Variants in DBF4 observed in about 807,000 individuals in gnomAD.
DBF4 encodes protein DBF4 homolog A.
DBF4 carries 25 observed loss-of-function variants against 76.6 expected under a neutral mutation model. The ratio of observed to expected loss-of-function variants is 0.33; its 90% CI spans 0.24 to 0.46. The LOEUF (loss-of-function observed/expected upper bound fraction) is 0.46. DBF4 is among the 20% of genes least tolerant of loss of function. The pLI is 1.00. For missense variants in DBF4, 638 were observed against 760.8 expected, an observed-to-expected ratio of 0.84 and a Z score of 1.90; for synonymous variants, 213 against 258.0, an observed-to-expected ratio of 0.83 and a Z score of 1.67.
In DBF4 at chr7:87,907,457, C is replaced by G; in HGVS notation, c.1319C>G (p.Ala440Gly). 1 of 1,613,956 alleles carries G rather than the reference C, an allele frequency of 6.2e-7. No homozygotes were observed. Among genetic ancestry groups the G allele is most frequent in the Admixed American group, 1.7e-5 (1 of 60,008 alleles). The change falls in exon 12 of 12, where the codon GCT (alanine) becomes GGT (glycine). Residue 440 changes from alanine to glycine, a missense_variant. Transcript: ENST00000265728. ...AATAAATGTTCCATGTTAAGTACAG[C>G]TGAAGATGACATAAGACAGAATTTT... ...MSNKCSMLSTAEDDIRQNFTQ... is the reference protein window; with the variant it reads ...MSNKCSMLSTGEDDIRQNFTQ...
At chr7:87,888,360 G>A (rs1160497007) in intron 6 of DBF4, 7 of 956,718 alleles carry the variant, frequency 7.3e-6, no homozygotes, top group South Asian at 4.8e-5. Flanking sequence ...TTGTATAAAC[G>A]TTCCTAATGT....
chr7:87,881,406 CAAAAG>C (rs1839211156), intron 2 of DBF4, among the ~76,000 whole-genome samples: 1 of 152,102 alleles, frequency 6.6e-6, no homozygotes, highest in Admixed American at 6.5e-5. Flanking sequence ...GACTGTGTCT[CAAAAG>C]AAAAATAAAA....
chr7:87,908,002 T>A lies in DBF4; in HGVS notation c.1864T>A (p.Phe622Ile). Reference protein sequence around the residue: ...SSPVQSLLDLFQTSEEKSEFL... With the variant: ...SSPVQSLLDLIQTSEEKSEFL... The stretch of plus-strand genomic sequence containing the variant: ...ACCGGTACAGTCTTTACTAGACTTG[T>A]TTCAGACTAGTGAAGAGAAATCAGA... Residue 622 changes from phenylalanine (F) to isoleucine (I), a missense_variant, in exon 12 of 12, where the codon TTT (phenylalanine) becomes ATT (isoleucine). Phe to Ile is a conservative substitution (Grantham distance 21). Transcript: ENST00000265728. 6.2e-7 allele frequency: 1 copy of A among 1,613,804 alleles called. No individual in the cohort carries two copies. Among genetic ancestry groups the A allele is most frequent in the Non-Finnish European group, 8.5e-7 (1 of 1,179,790 alleles).
intron 6 of DBF4, chr7:87,888,400 T>C: frequency 1.2e-6 from 1 of 820,764 alleles, no homozygotes; most frequent in South Asian, 5.6e-5. Flanking sequence ...GGAATATAAA[T>C]ATGTACTATC....
chr7:87,909,457 T>C lies in DBF4; in HGVS notation c.*1294T>C, dbSNP rs1839989623. Reference sequence around the variant, plus strand: ...GCATACATTATTTTGATCATTTGGATAACATCAATGAACACTGGCTTTTTA... The same window carrying C: ...GCATACATTATTTTGATCATTTGGACAACATCAATGAACACTGGCTTTTTA... On this transcript the variant is annotated 3_prime_UTR_variant, in exon 12 of 12. Coordinates refer to ENST00000265728, the MANE Select transcript of DBF4 (RefSeq NM_006716.4). 6.6e-6 allele frequency: 1 copy of C among 152,222 alleles called. No individual in the cohort carries two copies. Among genetic ancestry groups the C allele is most frequent in the Non-Finnish European group, 1.5e-5 (1 of 68,030 alleles). 9.4% of individuals were successfully genotyped at this position (152,222 alleles called of 1,614,324 possible). A position where few individuals can be genotyped will look rare whatever the true frequency, so the allele number is the denominator to read the frequency against.
chr7:87,897,372 G>C, intron 8 of DBF4, 33 bp downstream of exon 8: 1 of 1,597,088 alleles, frequency 6.3e-7, no homozygotes. Context: ...TATGATTTAA[G>C]TGCAATACTA....
chr7:87,889,705 G>T (rs1057503591), intron 6 of DBF4, among the ~76,000 whole-genome samples: 3 of 152,128 alleles, frequency 2.0e-5, no homozygotes, highest in African/African-American at 4.8e-5. Flanking sequence ...AGGATAATTT[G>T]CAGAAAGCAA....
At chr7:87,883,482 C>G (rs1180000289) in intron 2 of DBF4, among the ~76,000 whole-genome samples, 1 of 151,994 alleles carries the variant, frequency 6.6e-6, no homozygotes, top group African/African-American at 2.4e-5. Context: ...AAAATTAGAA[C>G]CTCTGACATT....
intron 7 of DBF4, 63 bp from the exon 8 acceptor site, chr7:87,897,231 T>G (rs1290524401): frequency 1.4e-6 from 2 of 1,417,238 alleles, no homozygotes; most frequent in East Asian, 2.4e-5. Flanking sequence ...CACAGTAGTT[T>G]TATTAAAAAA....
At chr7:87,900,638 A>G in intron 9 of DBF4, 126 bp from the exon 10 acceptor site, 3 of 777,098 alleles carry the variant, frequency 3.9e-6, no homozygotes, top group Non-Finnish European at 6.1e-6. Context: ...AATATGATTA[A>G]AAGTACTTGC....
intron 2 of DBF4, among the ~76,000 whole-genome samples, chr7:87,883,017 A>C (rs555210228): frequency 6.6e-6 from 1 of 152,344 alleles, no homozygotes; most frequent in South Asian, 2.1e-4. Context: ...ATAGCTAAAA[A>C]GTGTGAACAG....
At position 87,876,776 on chromosome 7, in the gene DBF4, A is replaced by C; in HGVS notation, c.44A>C (p.Gln15Pro). The C allele has an allele frequency of 3.7e-6, 6 of 1,614,094 alleles. No homozygotes were observed. Among genetic ancestry groups the C allele is most frequent in the Non-Finnish European group, 5.1e-6 (6 of 1,179,968 alleles). Reference sequence around the variant, plus strand: ...AGGATCCACAGTAAAGGACATTTCCAGGGTAAGAAGCCCCTCCTCCGCCTG... The same window carrying C: ...AGGATCCACAGTAAAGGACATTTCCCGGGTAAGAAGCCCCTCCTCCGCCTG... Reference protein sequence around the residue: ...AMRIHSKGHFQGGIQVKNEKN... With the variant: ...AMRIHSKGHFPGGIQVKNEKN... The change falls in exon 1 of 12, where the codon CAG (glutamine) becomes CCG (proline). Residue 15 changes from glutamine (Q) to proline (P), a missense_variant and splice_region_variant. Physicochemically the swap from Gln to Pro is moderately conservative, Grantham distance 76. Coordinates refer to ENST00000265728, the MANE Select transcript of DBF4 (RefSeq NM_006716.4).
rs997800954 is a variant in DBF4, at chr7:87,909,547, A to G, written c.*1384A>G. Reference sequence around the variant, plus strand: ...ATAAAAGAGTCTTTACAGTGCATACACGCAAACCCTGTTTCCATTGTAAAT... The same window carrying G: ...ATAAAAGAGTCTTTACAGTGCATACGCGCAAACCCTGTTTCCATTGTAAAT... On this transcript the variant is annotated 3_prime_UTR_variant, in exon 12 of 12. Coordinates refer to ENST00000265728, the MANE Select transcript of DBF4 (RefSeq NM_006716.4). The G allele has an allele frequency of 1.3e-5, 2 of 152,224 alleles. No individual in the cohort carries two copies. The highest frequency in any genetic ancestry group is 4.8e-5 in the African/African-American group (2 of 41,458). 9.4% of individuals were successfully genotyped at this position (152,224 alleles called of 1,614,324 possible).
At chr7:87,890,713 A>G (rs553676224) in intron 6 of DBF4, among the ~76,000 whole-genome samples, 4 of 152,300 alleles carry the variant, frequency 2.6e-5, no homozygotes, top group Admixed American at 2.6e-4. Flanking sequence ...CTAGATTATT[A>G]ACATCATAAA....
chr7:87,886,539 A>C (rs1431385179), intron 3 of DBF4, among the ~76,000 whole-genome samples: 1 of 145,954 alleles, frequency 6.9e-6, no homozygotes, highest in Non-Finnish European at 1.5e-5. Flanking sequence ...TGTCTCCAAA[A>C]AAAAAAAAAA....
At chr7:87,906,982 GC>G (rs1230539274) in intron 11 of DBF4, among the ~76,000 whole-genome samples, 1 of 152,124 alleles carries the variant, frequency 6.6e-6, no homozygotes, top group East Asian at 1.9e-4. Context: ...AGGGTTTTCA[GC>G]TATATCTGAA....
intron 8 of DBF4, among the ~76,000 whole-genome samples, chr7:87,897,615 A>C (rs1159685635): frequency 1.3e-5 from 2 of 152,230 alleles, no homozygotes; most frequent in East Asian, 3.8e-4. Context: ...CTCTGGCTAA[A>C]TGCAGTACCA....
At chr7:87,886,262 G>A (rs1839348586) in intron 3 of DBF4, among the ~76,000 whole-genome samples, 1 of 152,134 alleles carries the variant, frequency 6.6e-6, no homozygotes, top group South Asian at 2.1e-4. Context: ...GCTGGGTGCG[G>A]TGGCTCACGC....
Position 87,908,150 on chromosome 7 carries a change from T to G in DBF4, c.2012T>G (p.Phe671Cys). The G allele has an allele frequency of 6.4e-7, 1 of 1,571,686 alleles. No individual in the cohort carries two copies. The change falls in exon 12 of 12, where the codon TTT becomes TGT. Residue 671 changes from phenylalanine (F) to cysteine (C), a missense_variant. By Grantham distance (205) the Phe-to-Cys change is radical (BLOSUM62 -2). Coordinates refer to ENST00000265728, the MANE Select transcript of DBF4 (RefSeq NM_006716.4). The part of the protein sequence containing the change: ...AFFSSPSTST[F>C]TGF The stretch of plus-strand genomic sequence containing the variant: ...TTCTCGTCCCCTTCAACTTCTACAT[T>G]TACTGGCTTTTAGAATTTAAAAAAT...
Sources: allele counts gnomAD v4.1 joint callset (sites outside exome capture counted in the v4.1 genomes callset), GRCh38; gene constraint gnomAD v4.1.1; transcripts MANE v1.5; gene names NCBI Gene and HGNC (gene_info 2026-07-23, HGNC 2026-07-21).